Variants in ATM observed in about 807,000 individuals in gnomAD.
ATM encodes ATM serine/threonine kinase.
Under a neutral mutation model 387.0 loss-of-function variants are expected in ATM, and 308 were observed. That is an observed-to-expected ratio of 0.80 (90% CI 0.73 to 0.87). The LOEUF is 0.87. Among genes scored for constraint, ATM ranks in the 40% least tolerant of loss-of-function variants. The pLI is 0.00. For synonymous variants in ATM, 1,156 were observed against 1,187.3 expected (o/e 0.97, Z 0.54); for missense variants, 3,312 against 3,560.9 (o/e 0.93, Z 1.78).
chr11:108,232,503 A>G (rs924282166), intron 4 of ATM, among the ~76,000 whole-genome samples: 5 of 151,180 alleles, frequency 3.3e-5, no homozygotes, highest in African/African-American at 4.9e-5. Flanking sequence ...AGAAACAAGT[A>G]AGCAAATATT....
chr11:108,235,687 T>C lies in ATM; in HGVS notation c.349T>C (p.Cys117Arg). The change falls in exon 5 of 63, where the codon TGT becomes CGT. Residue 117 changes from cysteine to arginine, a missense_variant. Cys to Arg is a radical substitution (Grantham distance 180, BLOSUM62 -3). Coordinates refer to ENST00000675843, the MANE Select transcript of ATM (RefSeq NM_000051.4). ...CANRRAPRLK[C>R]QELLNYIMDT... is the part of the protein sequence containing the mutation. ...TGAAATAGGAGCACCTAGGCTAAAA[T>C]GTCAAGAACTCTTAAATTATATCAT... The C allele has an allele frequency of 6.2e-7, 1 of 1,610,690 alleles. No individual in the cohort carries two copies.
chr11:108,238,287 T>G (rs190545227), intron 5 of ATM, among the ~76,000 whole-genome samples: 4,244 of 152,054 alleles, frequency 0.028, 185 homozygotes, highest in African/African-American at 0.093. Flanking sequence ...AGATTTTTTG[T>G]TGTAAATTGA....
Position 108,268,391 on chromosome 11 carries a change from G to T in ATM, c.2639-19G>T, listed in dbSNP as rs2135522491. Reference sequence around the variant, plus strand: ...GTTGTGCCCTTCTCTTAGTGTTAATGAGTGCTTTTTATTTTTAGGTGCCAT... The same window carrying T: ...GTTGTGCCCTTCTCTTAGTGTTAATTAGTGCTTTTTATTTTTAGGTGCCAT... On this transcript the variant is annotated intron_variant, in intron 17 of 62. Transcript: ENST00000675843. The T allele has an allele frequency of 6.2e-7, 1 of 1,610,388 alleles. No individual in the cohort carries two copies. Among genetic ancestry groups the T allele is most frequent in the South Asian group, 1.1e-5 (1 of 90,890 alleles).
chr11:108,337,577 T>G (rs1260903747), intron 56 of ATM, among the ~76,000 whole-genome samples: 1 of 152,220 alleles, frequency 6.6e-6, no homozygotes, highest in Admixed American at 6.5e-5. Context: ...ATACCAGTTA[T>G]GTTGATGCTG....
intron 56 of ATM, among the ~76,000 whole-genome samples, chr11:108,337,254 C>T (rs974738573): frequency 6.6e-6 from 1 of 152,092 alleles, no homozygotes; most frequent in Non-Finnish European, 1.5e-5. Flanking sequence ...CAATTTTTTC[C>T]GTAGCCTTCA....
chr11:108,345,397 A>G (rs1321871198), intron 57 of ATM, among the ~76,000 whole-genome samples: 1 of 152,142 alleles, frequency 6.6e-6, no homozygotes, highest in Non-Finnish European at 1.5e-5. Flanking sequence ...CCTGTTTTCT[A>G]TTGCAACCCA....
chr11:108,270,086 A>T (rs1231352309), intron 18 of ATM, among the ~76,000 whole-genome samples: 4 of 152,228 alleles, frequency 2.6e-5, no homozygotes, highest in Non-Finnish European at 4.4e-5. Context: ...TAGGAAAAAA[A>T]ATCCCTTATT....
chr11:108,346,722 GT>G (rs1012169097), intron 58 of ATM: 4 of 156,784 alleles, frequency 2.6e-5, no homozygotes, highest in Non-Finnish European at 5.6e-5. Context: ...TACCCAGTGT[GT>G]TTTTTTGTAA....
At chr11:108,321,448 C>G (rs2136244849) in intron 45 of ATM, 28 bp downstream of exon 45, 1 of 1,613,618 alleles carries the variant, frequency 6.2e-7, no homozygotes, top group Non-Finnish European at 8.5e-7. Context: ...CTTTGTTATC[C>G]TAAAGTGCAG....
chr11:108,256,818 TCATC>T (rs1209643160), intron 14 of ATM, among the ~76,000 whole-genome samples: 1 of 152,228 alleles, frequency 6.6e-6, no homozygotes, highest in African/African-American at 2.4e-5. Flanking sequence ...GTTTCCAGCT[TCATC>T]CATGTCCCTG....
chr11:108,265,985 C>G (rs959014446), intron 16 of ATM, among the ~76,000 whole-genome samples: 49 of 151,770 alleles, frequency 3.2e-4, no homozygotes, highest in African/African-American at 1.2e-3. Flanking sequence ...CAGGAAACAA[C>G]AGGTGCTGGA....
intron 16 of ATM, among the ~76,000 whole-genome samples, chr11:108,260,686 C>T (rs143856940): frequency 2.1e-4 from 32 of 152,276 alleles, no homozygotes; most frequent in African/African-American, 6.7e-4. Context: ...CCAGCGTGAA[C>T]GACGCAGAAG....
chr11:108,279,393 G>A (rs2082106149), intron 22 of ATM, 98 bp from the exon 23 acceptor site: 2 of 855,728 alleles, frequency 2.3e-6, no homozygotes, highest in Admixed American at 2.0e-5. Context: ...GTCTCACAGA[G>A]TGATTTATTT....
rs1450394308 is a variant in ATM at position 108,332,850 on chromosome 11, CTTATA to C, written c.7886_7890del (p.Ile2629SerfsTer25). ...AGAAGTGTTGAGGCACTTTGTGATGCTTATATTATATTAGCAAACTTAGATGCCAC... is the reference window on the plus strand; with the variant it reads ...AGAAGTGTTGAGGCACTTTGTGATGCTTATATTAGCAAACTTAGATGCCAC... On this transcript the variant is annotated frameshift_variant, in exon 53 of 63. Transcript: ENST00000675843. LOFTEE classifies it high-confidence loss of function. 13 of 1,612,976 alleles carry C rather than the reference CTTATA, an allele frequency of 8.1e-6. No individual in the cohort carries two copies. The highest frequency in any genetic ancestry group is 4.5e-5 in the East Asian group (2 of 44,770).
intron 5 of ATM, among the ~76,000 whole-genome samples, chr11:108,242,249 T>G (rs1308733728): frequency 1.3e-5 from 2 of 152,194 alleles, no homozygotes; most frequent in African/African-American, 2.4e-5. Flanking sequence ...TTAATTTAAA[T>G]GGGCCAGTTC....
intron 45 of ATM, 129 bp from the exon 46 acceptor site, chr11:108,325,181 A>T: frequency 1.5e-6 from 1 of 651,386 alleles, no homozygotes; most frequent in Non-Finnish European, 2.6e-6. Flanking sequence ...TACAAGTTCT[A>T]GTCTTGTCAC....
At chr11:108,237,913 T>TG (rs940775230) in intron 5 of ATM, among the ~76,000 whole-genome samples, 2 of 148,518 alleles carry the variant, frequency 1.3e-5, no homozygotes, top group African/African-American at 5.1e-5. Context: ...TTTTTTTTTT[T>TG]TTTTTTTTTT....
Position 108,287,612 on chromosome 11 carries a change from T to C in ATM, c.4006T>C (p.Phe1336Leu), listed in dbSNP as rs1565452452. The C allele has an allele frequency of 6.2e-7, 1 of 1,610,506 alleles. No individual in the cohort carries two copies. The highest frequency in any genetic ancestry group is 8.5e-7 in the Non-Finnish European group (1 of 1,177,146). The change falls in exon 27 of 63, where the codon TTC (phenylalanine) becomes CTC (leucine). Residue 1336 changes from phenylalanine (F) to leucine (L), a missense_variant. Physicochemically the swap from Phe to Leu is conservative, Grantham distance 22. Around this residue, in one of 4 missense-constraint regions of ATM, gnomAD observed 1,791 missense variants for 1,804.5 expected, o/e 0.99. Coordinates refer to ENST00000675843, the MANE Select transcript of ATM (RefSeq NM_000051.4). Reference protein sequence around the residue: ...NLLGKQIDHLFISNLPEIVVE... With the variant: ...NLLGKQIDHLLISNLPEIVVE... Reference sequence around the variant, plus strand: ...TGTGCCCTTGCAGATTGATCACTTATTCATTAGTAATTTACCAGAGATTGT... The same window carrying C: ...TGTGCCCTTGCAGATTGATCACTTACTCATTAGTAATTTACCAGAGATTGT...
At chr11:108,265,152 CA>C in intron 16 of ATM, among the ~76,000 whole-genome samples, 1 of 151,162 alleles carries the variant, frequency 6.6e-6, no homozygotes, top group Admixed American at 6.6e-5. Flanking sequence ...CATATGGAAC[CA>C]AAAAAGAGCC....
Sources: gnomAD v4.1 joint callset for allele counts (sites outside exome capture counted in the v4.1 genomes callset) on GRCh38, gnomAD v4.1.1 for gene constraint, gnomAD v4.1.1 regional missense constraint, MANE v1.5 for transcripts, NCBI Gene and HGNC (gene_info 2026-07-23, HGNC 2026-07-21) for gene names.